RANBP2: variants seen among roughly 807,000 people sequenced by gnomAD.
The protein encoded by RANBP2 is RAN binding protein 2, also known as E3 SUMO-protein ligase RanBP2.
A neutral mutation model predicts 303.6 loss-of-function variants in RANBP2; 57 were observed. The ratio of observed to expected loss-of-function variants is 0.19; its 90% CI spans 0.15 to 0.23. RANBP2 has a LOEUF of 0.23. Ranked by LOEUF, RANBP2 falls within the 10% of genes least tolerant of loss-of-function variation. The pLI, the probability that RANBP2 is intolerant of heterozygous loss-of-function variation, is 1.00. For missense variants in RANBP2, 3,138 were observed against 3,780.8 expected (o/e 0.83, Z 4.46); for synonymous variants, 1,167 against 1,301.5 (o/e 0.90, Z 2.23).
chr2:108,785,948 C>A (rs1468141568), downstream of RANBP2: 1 of 152,120 alleles, frequency 6.6e-6, no homozygotes, highest in Non-Finnish European at 1.5e-5. Flanking sequence ...TCCAGAGATG[C>A]AGCTGACAGT....
chr2:109,317,051 C>A, the RANBP2 span, among the ~76,000 whole-genome samples: 1 of 152,158 alleles, frequency 6.6e-6, no homozygotes, highest in African/African-American at 2.4e-5. Flanking sequence ...CCACTCACCT[C>A]CTGAGGCTAT....
the RANBP2 span, among the ~76,000 whole-genome samples, chr2:109,152,181 C>T: frequency 0.012 from 1,856 of 152,232 alleles, 28 homozygotes; most frequent in African/African-American, 0.038. Flanking sequence ...AAGTGCTCAG[C>T]GTCTTAGAAA....
the RANBP2 span, among the ~76,000 whole-genome samples, chr2:108,869,805 AGT>A: frequency 6.6e-6 from 1 of 152,190 alleles, no homozygotes; most frequent in South Asian, 2.1e-4. Flanking sequence ...CTTGATAAGT[AGT>A]GAAGGCCTTT....
At chr2:109,550,834 C>T in the RANBP2 span, among the ~76,000 whole-genome samples, 2 of 152,166 alleles carry the variant, frequency 1.3e-5, no homozygotes, top group Non-Finnish European at 2.9e-5. Flanking sequence ...TCCTGTTCTC[C>T]TCATGTTCAT....
At chr2:109,003,205 CAAA>C in the RANBP2 span, among the ~76,000 whole-genome samples, 5 of 45,428 alleles carry the variant, frequency 1.1e-4, no homozygotes, top group African/African-American at 4.1e-4. Flanking sequence ...GTCTCCCTCT[CAAA>C]AAAAAAAAAA....
chr2:109,091,073 A>G, the RANBP2 span, among the ~76,000 whole-genome samples: 1 of 152,134 alleles, frequency 6.6e-6, no homozygotes, highest in African/African-American at 2.4e-5. Flanking sequence ...CAAAAAATAA[A>G]AAAGTAAAAT....
chr2:109,277,021 C>T, the RANBP2 span, among the ~76,000 whole-genome samples: 22 of 152,218 alleles, frequency 1.4e-4, no homozygotes, highest in Admixed American at 7.2e-4. Context: ...AGACTTCCCT[C>T]GAGCACCTGT....
chr2:109,561,280 GCTCAAAATAGCCA>G, the RANBP2 span, among the ~76,000 whole-genome samples: 1 of 152,022 alleles, frequency 6.6e-6, no homozygotes, highest in African/African-American at 2.4e-5. Flanking sequence ...AGTTACTACA[GCTCAAAATAGCCA>G]CTGCCTCAAG....
the RANBP2 span, among the ~76,000 whole-genome samples, chr2:109,603,356 TC>T: frequency 1.1e-4 from 16 of 151,942 alleles, no homozygotes; most frequent in African/African-American, 3.6e-4. Context: ...TGCCTCAGCC[TC>T]CCCAGCAGCT....
the RANBP2 span, among the ~76,000 whole-genome samples, chr2:109,525,047 T>G: frequency 6.6e-6 from 1 of 150,940 alleles, no homozygotes; most frequent in East Asian, 1.9e-4. Flanking sequence ...TTCAACACTT[T>G]CCCATGGTGG....
chr2:109,390,609 G>C, the RANBP2 span, among the ~76,000 whole-genome samples: 1 of 152,188 alleles, frequency 6.6e-6, no homozygotes. Context: ...GAGGAAGAAG[G>C]GTGACATAAC....
chr2:109,292,748 T>C, the RANBP2 span, among the ~76,000 whole-genome samples: 1 of 152,208 alleles, frequency 6.6e-6, no homozygotes. Context: ...TTTTATTTTT[T>C]TGAGATGGAG....
the RANBP2 span, among the ~76,000 whole-genome samples, chr2:109,477,879 T>C: frequency 6.6e-6 from 1 of 152,064 alleles, no homozygotes; most frequent in Non-Finnish European, 1.5e-5. Flanking sequence ...TGACATGACT[T>C]TGGGGAACAT....
the RANBP2 span, among the ~76,000 whole-genome samples, chr2:109,307,518 A>C: frequency 6.5e-3 from 952 of 147,228 alleles, 10 homozygotes; most frequent in African/African-American, 0.023. Flanking sequence ...GGTGTGCTGC[A>C]CCCACTAACT....
the RANBP2 span, among the ~76,000 whole-genome samples, chr2:108,848,744 AAT>A: frequency 6.6e-6 from 1 of 152,204 alleles, no homozygotes; most frequent in Non-Finnish European, 1.5e-5. Flanking sequence ...AAACAATCCT[AAT>A]ATGTAATGAT....
the RANBP2 span, chr2:109,574,883 A>G: frequency 3.4e-6 from 2 of 591,174 alleles, no homozygotes; most frequent in South Asian, 5.5e-5. Flanking sequence ...GTTAATATCT[A>G]TGCTGAACAG....
At chr2:109,450,995 G>C in the RANBP2 span, among the ~76,000 whole-genome samples, 1 of 152,186 alleles carries the variant, frequency 6.6e-6, no homozygotes. Flanking sequence ...CGGGCTCTCT[G>C]CCCATCACCC....
downstream of RANBP2, among the ~76,000 whole-genome samples, chr2:108,786,045 T>C (rs1678631317): frequency 2.0e-5 from 3 of 152,290 alleles, no homozygotes; most frequent in South Asian, 2.1e-4. Context: ...CAGTCAGTTT[T>C]GTTTAACATA....
the RANBP2 span, among the ~76,000 whole-genome samples, chr2:108,999,790 A>G: frequency 1.3e-5 from 2 of 152,206 alleles, no homozygotes; most frequent in African/African-American, 4.8e-5. Context: ...TTACAAAAAC[A>G]TGGCGGGAGG....
Sources: gnomAD v4.1 joint callset for allele counts (sites outside exome capture counted in the v4.1 genomes callset) on GRCh38, gnomAD v4.1.1 for gene constraint, MANE v1.5 for transcripts, NCBI Gene and HGNC (gene_info 2026-07-23, HGNC 2026-07-21) for gene names.